The following GGT6 variants were observed in gnomAD, a reference collection of about 807,000 sequenced individuals.
GGT6 encodes the protein glutathione hydrolase 6.
In GGT6, 13 loss-of-function variants were observed where a neutral mutation model predicts 17.0. The observed-to-expected ratio is 0.77, with a 90% CI of 0.50 to 1.22. GGT6 has a LOEUF of 1.22. Among genes scored for constraint, GGT6 ranks in the 50% most tolerant of loss-of-function variants. The pLI, the probability that GGT6 is intolerant of heterozygous loss-of-function variation, is 0.00. For synonymous variants in GGT6, 305 were observed against 297.9 expected (o/e 1.02, Z -0.25); for missense variants, 628 against 643.7 (o/e 0.98, Z 0.26).
At chr17:4,559,982 G>A in intron 1 of GGT6, 1 of 598,214 alleles carries the variant, frequency 1.7e-6, no homozygotes. Context: ...CTCTGGAGGG[G>A]AGATTGGTGG....
intron 3 of GGT6, 109 bp from the exon 4 acceptor site, chr17:4,559,166 G>C: frequency 7.1e-7 from 1 of 1,413,284 alleles, no homozygotes; most frequent in Non-Finnish European, 9.7e-7. Flanking sequence ...GACCAGGCCT[G>C]AGGTCAAAGT....
Position 4,558,169 on chromosome 17 carries a change from G to T in GGT6, c.1346C>A (p.Pro449His). Reference protein sequence around the residue: ...TLLRHLAARPPTQAQHQHQGQ... With the variant: ...TLLRHLAARPHTQAQHQHQGQ... The stretch of plus-strand genomic sequence containing the variant: ...CTGATGCTGGTGCTGGGCCTGGGTA[G>T]GGGGCCTTGCTGCCAGATGCCTGAG... The change falls in exon 4 of 4, where the codon CCT becomes CAT. Residue 449 changes from proline (P) to histidine (H), a missense_variant. Coordinates refer to ENST00000381550, the MANE Select transcript of GGT6 (RefSeq NM_001288702.2). The T allele has an allele frequency of 6.2e-7, 1 of 1,613,978 alleles. No homozygotes were observed. The highest frequency in any genetic ancestry group is 8.5e-7 in the Non-Finnish European group (1 of 1,179,892).
rs145923439 is a variant in GGT6, at chr17:4,559,649, C to T, written c.252G>A (p.Ser84=). ...AVRQLQNQGR[S]TGSLGSVAPP... is the part of the protein sequence containing the mutation. ...GGGCCACAGAGCCCAAGCTTCCTGT[C>T]GACCTGCCCTGATTCTGGAGCTGCC... is the stretch of plus-strand genomic sequence containing the variant. The change falls in exon 2 of 4, where the codon TCG becomes TCA. Residue 84 remains serine (S), a synonymous_variant. Coordinates refer to ENST00000381550, the MANE Select transcript of GGT6 (RefSeq NM_001288702.2). 75 of 1,613,508 alleles carry T rather than the reference C, an allele frequency of 4.6e-5. 1 individual carries two copies. Among genetic ancestry groups the T allele is most frequent in the African/African-American group, 3.9e-4 (29 of 75,048 alleles).
rs1458940741 is a variant in GGT6, at chr17:4,557,309, TC to T, written c.*705del. ...GAGCCAGCAGTGAGCACATAATAAA[TC>T]CTTTTTTTTTTTTTTTTTTTTAGAC... On this transcript the variant is annotated 3_prime_UTR_variant, in exon 4 of 4. Coordinates refer to ENST00000381550, the MANE Select transcript of GGT6 (RefSeq NM_001288702.2). The T allele has an allele frequency of 2.1e-5, 3 of 140,880 alleles. No individual in the cohort carries two copies. The highest frequency in any genetic ancestry group is 5.2e-5 in the African/African-American group (2 of 38,240). 8.7% of individuals were successfully genotyped at this position (140,880 alleles called of 1,614,324 possible). A position where few individuals can be genotyped will look rare whatever the true frequency, so the allele number is the denominator to read the frequency against.
rs1230476042 is a variant in GGT6, at chr17:4,558,641, C to T, written c.874G>A (p.Val292Met). 1.3e-6 allele frequency: 2 copies of T among 1,575,846 alleles called. No homozygotes were observed. The highest frequency in any genetic ancestry group is 2.7e-5 in the African/African-American group (2 of 74,566). Residue 292 changes from valine (V) to methionine (M), a missense_variant, in exon 4 of 4, where the codon GTG becomes ATG. Val to Met is a conservative substitution (Grantham distance 21). Transcript: ENST00000381550. ...SLLAGDLGVE[V>M]PSAVPRPTLE... The stretch of plus-strand genomic sequence containing the variant: ...GTGGGCCTGGGCACAGCCGAGGGCA[C>T]CTCCACCCCCAGGTCTCCCGCCAGT...
chr17:4,559,181 C>T, intron 3 of GGT6, 124 bp from the exon 4 acceptor site: 3 of 1,328,416 alleles, frequency 2.3e-6, no homozygotes, highest in Non-Finnish European at 3.1e-6. Context: ...CAAAGTTCCA[C>T]AGACCCGGGC....
intron 1 of GGT6, among the ~76,000 whole-genome samples, chr17:4,560,137 C>T (rs540108411): frequency 1.3e-5 from 2 of 152,178 alleles, no homozygotes. Flanking sequence ...GGGCTGGGGA[C>T]CTTTGACAAA....
intron 3 of GGT6, 89 bp from the exon 4 acceptor site, chr17:4,559,146 A>G (rs1908436547): frequency 2.7e-6 from 4 of 1,478,516 alleles, no homozygotes; most frequent in East Asian, 4.9e-5. Context: ...GCCTGGGATC[A>G]GGAGTTACTG....
Position 4,558,297 on chromosome 17 carries a change from GCAGGCC to G in GGT6, c.1212_1217del (p.Trp404_Ala405del), listed in dbSNP as rs1164746880. 1.9e-6 allele frequency: 3 copies of G among 1,613,322 alleles called. No homozygotes were observed. The highest frequency in any genetic ancestry group is 1.3e-5 in the African/African-American group (1 of 74,938). On this transcript the variant is annotated inframe_deletion, in exon 4 of 4. Transcript: ENST00000381550. ...CCAGGCTGCCACGGAGGATGAGGGG[GCAGGCC>G]CAGGCACTAGTGGTAGACTTGGCCA...
Position 4,560,415 on chromosome 17 carries a change from A to G in GGT6, c.107T>C (p.Val36Ala), listed in dbSNP as rs1478474124. The change falls in exon 1 of 4, where the codon GTT becomes GCT. Residue 36 changes from valine (V) to alanine (A), a missense_variant. Transcript: ENST00000381550. ...VEEEETSEAL[V>A]LNPRRHQDSS... Reference sequence around the variant, plus strand: ...GTCCTGGTGCCTCCGGGGGTTTAGAACCAGCGCCTCTGATGTCTCCTCCTC... The same window carrying G: ...GTCCTGGTGCCTCCGGGGGTTTAGAGCCAGCGCCTCTGATGTCTCCTCCTC... The G allele has an allele frequency of 1.2e-6, 2 of 1,614,094 alleles. No homozygotes were observed. The highest frequency in any genetic ancestry group is 1.1e-5 in the South Asian group (1 of 91,086).
intron 1 of GGT6, among the ~76,000 whole-genome samples, chr17:4,560,150 A>C (rs995669967): frequency 6.6e-6 from 1 of 152,218 alleles, no homozygotes; most frequent in African/African-American, 2.4e-5. Flanking sequence ...TTGACAAAGC[A>C]GCAGATGGGA....
At chr17:4,559,910 T>C (rs1328052791) in intron 1 of GGT6, 150 bp from the exon 2 acceptor site, 5 of 683,840 alleles carry the variant, frequency 7.3e-6, no homozygotes, top group Non-Finnish European at 1.2e-5. Flanking sequence ...AGCGGGTGCA[T>C]CTTGGGCAGA....
At position 4,558,023 on chromosome 17, in the gene GGT6, C is replaced by T. The variant is rs1908288349; in HGVS notation, c.1492G>A (p.Gly498Arg). 24 of 1,537,376 alleles carry T rather than the reference C, an allele frequency of 1.6e-5. No homozygotes were observed. Among genetic ancestry groups the T allele is most frequent in the Non-Finnish European group, 2.1e-5 (24 of 1,142,844 alleles). ...GACCCACCCCCATCCTGTTAGAACCCCTGGAAGGGGCAGCAGGCATGGGGG... is the reference window on the plus strand; with the variant it reads ...GACCCACCCCCATCCTGTTAGAACCTCTGGAAGGGGCAGCAGGCATGGGGG... The part of the protein sequence containing the change: ...SVPHACCPFQ[G>R]F Residue 498 changes from glycine (G) to arginine (R), a missense_variant, in exon 4 of 4, where the codon GGG (glycine) becomes AGG (arginine). Coordinates refer to ENST00000381550, the MANE Select transcript of GGT6 (RefSeq NM_001288702.2).
rs377094902 is a variant in GGT6 at position 4,560,516 on chromosome 17, C to T, written c.6G>A (p.Glu2=). Residue 2 remains glutamate, a synonymous_variant, in exon 1 of 4, where the codon GAG becomes GAA. Coordinates refer to ENST00000381550, the MANE Select transcript of GGT6 (RefSeq NM_001288702.2). M[E]RAEEPVVYQK... Reference sequence around the variant, plus strand: ...GATAGACCACGGGCTCTTCTGCCCGCTCCATGGCCCCCCAGTGCTCGCCCC... The same window carrying T: ...GATAGACCACGGGCTCTTCTGCCCGTTCCATGGCCCCCCAGTGCTCGCCCC... The T allele has an allele frequency of 5.3e-5, 86 of 1,610,330 alleles. No individual in the cohort carries two copies. The highest frequency in any genetic ancestry group is 6.8e-5 in the Non-Finnish European group (80 of 1,180,000).
Position 4,560,453 on chromosome 17 carries a change from C to T in GGT6, c.69G>A (p.Glu23=), listed in dbSNP as rs956689561. ...LLPWEPSLES[E]EEVEEEETSE... Reference sequence around the variant, plus strand: ...ATGTCTCCTCCTCCTCCACTTCCTCCTCCGACTCCAAGCTTGGCTCCCAGG... The same window carrying T: ...ATGTCTCCTCCTCCTCCACTTCCTCTTCCGACTCCAAGCTTGGCTCCCAGG... Residue 23 remains glutamate (E), a synonymous_variant, in exon 1 of 4, where the codon GAG becomes GAA. Transcript: ENST00000381550. 1.9e-6 allele frequency: 3 copies of T among 1,614,098 alleles called. No homozygotes were observed. Among genetic ancestry groups the T allele is most frequent in the African/African-American group, 2.7e-5 (2 of 75,066 alleles).
intron 1 of GGT6, 142 bp downstream of exon 1, chr17:4,560,240 G>T: frequency 1.1e-6 from 1 of 899,346 alleles, no homozygotes; most frequent in Non-Finnish European, 1.7e-6. Flanking sequence ...GCTACAGCCT[G>T]GGTTTTCCCC....
At chr17:4,559,989 G>A (rs1274484375) in intron 1 of GGT6, 1 of 593,990 alleles carries the variant, frequency 1.7e-6, no homozygotes, top group East Asian at 2.8e-5. Flanking sequence ...GGGGAGATTG[G>A]TGGGGCAGAG....
Position 4,558,841 on chromosome 17 carries a change from A to T in GGT6, c.674T>A (p.Leu225Gln). Residue 225 changes from leucine to glutamine, a missense_variant, in exon 4 of 4, where the codon CTG becomes CAG. Leu to Gln is a moderately radical substitution (Grantham distance 113). Coordinates refer to ENST00000381550, the MANE Select transcript of GGT6 (RefSeq NM_001288702.2). ...GCCCCGAGCCACCAGAGCCCTTGCC[A>T]GGGGTGTGTCCACCAGGAAGCCCTC... ...AQEGFLVDTP[L>Q]ARALVARGTE... 1.9e-6 allele frequency: 3 copies of T among 1,548,048 alleles called. No individual in the cohort carries two copies. The highest frequency in any genetic ancestry group is 2.6e-6 in the Non-Finnish European group (3 of 1,145,442).
In GGT6 at chr17:4,558,198, GGT is replaced by G. The variant is rs868257885; in HGVS notation, c.1315_1316del (p.Thr439ProfsTer122). On this transcript the variant is annotated frameshift_variant, in exon 4 of 4. Transcript: ENST00000381550. LOFTEE classifies it low-confidence loss of function (END_TRUNC). The stretch of plus-strand genomic sequence containing the variant: ...GCCTTGCTGCCAGATGCCTGAGTAG[GGT>G]GTGAGTCATGGCCCTGGCCACATCA... ...TPDVARAMTHTLLRHLAARPP... is the reference protein window; with the variant it reads ...TPDVARAMTHXLLRHLAARPP... 3 of 1,614,050 alleles carry G rather than the reference GGT, an allele frequency of 1.9e-6. No homozygotes were observed. In the African/African-American group the frequency reaches 4.0e-5, roughly 22 times the overall value.
Sources: gnomAD v4.1 joint callset for allele counts (sites outside exome capture counted in the v4.1 genomes callset) on GRCh38, gnomAD v4.1.1 for gene constraint, MANE v1.5 for transcripts, NCBI Gene and HGNC (gene_info 2026-07-23, HGNC 2026-07-21) for gene names.